Variants in MAP4K3 observed in about 807,000 individuals in gnomAD.
The protein encoded by MAP4K3 is MAPK/ERK kinase kinase kinase 3.
MAP4K3 carries 94 observed loss-of-function variants against 143.5 expected under a neutral mutation model. The observed-to-expected ratio is 0.65, with a 90% confidence interval of 0.55 to 0.78. MAP4K3 has a LOEUF of 0.78. Among genes scored for constraint, MAP4K3 ranks in the 30% least tolerant of loss-of-function variants. The probability of loss-of-function intolerance (pLI) is 0.00; values close to 1 mark genes in which losing one functional copy is unlikely to be tolerated. For synonymous variants in MAP4K3, 416 were observed against 347.2 expected, an observed-to-expected ratio of 1.20 and a Z score of -2.20; for missense variants, 1,077 against 1,068.1, an observed-to-expected ratio of 1.01 and a Z score of -0.12.
chr2:39,398,460 TAC>T (rs1381035545), intron 1 of MAP4K3, among the ~76,000 whole-genome samples: 2 of 151,802 alleles, frequency 1.3e-5, no homozygotes, highest in African/African-American at 4.8e-5. Flanking sequence ...TTAATAAAAA[TAC>T]AGTTAGTAAT....
chr2:39,408,111 T>C (rs1204895606), intron 1 of MAP4K3, among the ~76,000 whole-genome samples: 2 of 152,078 alleles, frequency 1.3e-5, no homozygotes, highest in African/African-American at 4.8e-5. Context: ...AGTCTTTTGG[T>C]TGTACAAAAC....
At chr2:39,330,534 A>G (rs1008070230) in intron 8 of MAP4K3, among the ~76,000 whole-genome samples, 2 of 152,216 alleles carry the variant, frequency 1.3e-5, no homozygotes, top group African/African-American at 4.8e-5. Context: ...TAAGCTGAAG[A>G]TGAAAGACTG....
intron 1 of MAP4K3, among the ~76,000 whole-genome samples, chr2:39,398,182 A>C (rs750624759): frequency 6.6e-6 from 1 of 152,226 alleles, no homozygotes; most frequent in African/African-American, 2.4e-5. Flanking sequence ...CACATGTACA[A>C]GCTTAATCAG....
At chr2:39,354,700 C>T (rs370127150) in intron 3 of MAP4K3, among the ~76,000 whole-genome samples, 8 of 151,930 alleles carry the variant, frequency 5.3e-5, no homozygotes, top group African/African-American at 1.9e-4. Context: ...AACTCCCACA[C>T]CTCTACCTTA....
At chr2:39,354,011 A>G (rs1157272874) in intron 3 of MAP4K3, among the ~76,000 whole-genome samples, 1 of 152,222 alleles carries the variant, frequency 6.6e-6, no homozygotes, top group Admixed American at 6.5e-5. Context: ...CTTAACTACC[A>G]AAGATACGAT....
intron 22 of MAP4K3, 44 bp from the exon 23 acceptor site, chr2:39,280,400 C>T: frequency 2.6e-6 from 3 of 1,149,192 alleles, no homozygotes; most frequent in Non-Finnish European, 2.6e-6. Flanking sequence ...TGACAAGTAA[C>T]AGTCTTTAAT....
intron 3 of MAP4K3, among the ~76,000 whole-genome samples, chr2:39,352,530 T>C (rs1665490009): frequency 6.6e-6 from 1 of 152,206 alleles, no homozygotes; most frequent in African/African-American, 2.4e-5. Flanking sequence ...GTTTTATAAA[T>C]ACACAAACAT....
At chr2:39,378,195 C>T (rs1009302410) in intron 1 of MAP4K3, 72 bp from the exon 2 acceptor site, 8 of 771,186 alleles carry the variant, frequency 1.0e-5, no homozygotes, top group Middle Eastern at 3.8e-4. Flanking sequence ...TTCACTTTAG[C>T]TTACTGTTTT....
At chr2:39,390,694 C>T (rs537532762) in intron 1 of MAP4K3, among the ~76,000 whole-genome samples, 5 of 151,586 alleles carry the variant, frequency 3.3e-5, no homozygotes. Flanking sequence ...GTCCCCAAAT[C>T]AGAAACTGGA....
intron 3 of MAP4K3, among the ~76,000 whole-genome samples, chr2:39,343,751 T>TA (rs1286214708): frequency 1.3e-5 from 2 of 152,144 alleles, no homozygotes; most frequent in East Asian, 3.8e-4. Context: ...CCCAAAAGTT[T>TA]ATACATCTAC....
At chr2:39,282,217 G>C (rs1254128192) in intron 22 of MAP4K3, among the ~76,000 whole-genome samples, 2 of 151,438 alleles carry the variant, frequency 1.3e-5, no homozygotes, top group Non-Finnish European at 2.9e-5. Context: ...AAAGAAAAAG[G>C]GCAGGCATGG....
At chr2:39,370,682 G>C (rs1279957231) in intron 2 of MAP4K3, among the ~76,000 whole-genome samples, 1 of 152,132 alleles carries the variant, frequency 6.6e-6, no homozygotes, top group Non-Finnish European at 1.5e-5. Context: ...CTCACTACAA[G>C]TTTCTCTGTT....
intron 1 of MAP4K3, among the ~76,000 whole-genome samples, chr2:39,427,829 C>T (rs1049357240): frequency 2.6e-5 from 4 of 152,188 alleles, no homozygotes. Context: ...AATTCTTCAA[C>T]TGGCATTCAT....
intron 3 of MAP4K3, among the ~76,000 whole-genome samples, chr2:39,352,290 C>CA (rs549855214): frequency 1.3e-4 from 19 of 151,640 alleles, no homozygotes; most frequent in East Asian, 9.7e-4. Flanking sequence ...GACTCTGTAT[C>CA]AAAAAAAATA....
Position 39,337,536 on chromosome 2 carries a change from T to C in MAP4K3, c.356A>G (p.Glu119Gly). The change falls in exon 5 of 34, where the codon GAA (glutamate) becomes GGA (glycine). Residue 119 changes from glutamate to glycine, a missense_variant. This residue lies in a region of MAP4K3 where 213 missense variants were observed against 266.8 expected (regional missense o/e 0.80). Transcript: ENST00000263881. ...SELQIAYVSR[E>G]TLQGLYYLHS... is the part of the protein sequence containing the mutation. The stretch of plus-strand genomic sequence containing the variant: ...TAGCACTTGATTTACCTGCAGTGTT[T>C]CTCTGCTAACATATGCAATTTGCAG... 1.2e-6 allele frequency: 2 copies of C among 1,611,500 alleles called. No individual in the cohort carries two copies. Among genetic ancestry groups the C allele is most frequent in the Non-Finnish European group, 1.7e-6 (2 of 1,178,072 alleles).
intron 28 of MAP4K3, among the ~76,000 whole-genome samples, chr2:39,262,255 C>G (rs969431445): frequency 6.6e-6 from 1 of 152,178 alleles, no homozygotes; most frequent in Non-Finnish European, 1.5e-5. Flanking sequence ...CAAAATGGTA[C>G]TCATGGCTGG....
At chr2:39,266,482 T>G (rs1378371532) in intron 27 of MAP4K3, among the ~76,000 whole-genome samples, 2 of 152,224 alleles carry the variant, frequency 1.3e-5, no homozygotes, top group Non-Finnish European at 2.9e-5. Flanking sequence ...GCATTTATTA[T>G]GTAACCTTTA....
At chr2:39,340,201 T>TA (rs950747288) in intron 4 of MAP4K3, among the ~76,000 whole-genome samples, 1 of 152,092 alleles carries the variant, frequency 6.6e-6, no homozygotes, top group Non-Finnish European at 1.5e-5. Flanking sequence ...GACAATGTGA[T>TA]AAAAAAGAGG....
intron 27 of MAP4K3, among the ~76,000 whole-genome samples, chr2:39,266,352 C>A (rs545772181): frequency 6.6e-6 from 1 of 152,366 alleles, no homozygotes; most frequent in South Asian, 2.1e-4. Context: ...ACTGCTCTAG[C>A]ACAAGACTTC....
Sources: gnomAD v4.1 joint callset for allele counts (sites outside exome capture counted in the v4.1 genomes callset) on GRCh38, gnomAD v4.1.1 for gene constraint, gnomAD v4.1.1 regional missense constraint, MANE v1.5 for transcripts, NCBI Gene and HGNC (gene_info 2026-07-23, HGNC 2026-07-21) for gene names.